SPTBN4: variants seen among roughly 807,000 people sequenced by gnomAD.
SPTBN4 encodes spectrin beta chain, non-erythrocytic 4.
In SPTBN4, 96 loss-of-function variants were observed where a neutral mutation model predicts 277.8. The ratio of observed to expected loss-of-function variants is 0.35; its 90% CI spans 0.29 to 0.41. SPTBN4 has a LOEUF of 0.41. Ranked by LOEUF, SPTBN4 falls within the 10% of genes least tolerant of loss-of-function variation. The pLI is 1.00. For synonymous variants in SPTBN4, 1,481 were observed against 1,580.3 expected, an observed-to-expected ratio of 0.94 and a Z score of 1.49; for missense variants, 3,006 against 3,595.7, an observed-to-expected ratio of 0.84 and a Z score of 4.19.
Position 40,513,225 on chromosome 19 carries a change from G to A in SPTBN4, c.2436G>A (p.Ala812=). Residue 812 remains alanine, a synonymous_variant, in exon 14 of 36, where the codon GCG becomes GCA. Transcript: ENST00000598249. ...GHDEASSRRL[A]RQHRALTGEV... ...ACGAAGCTTCCAGCCGCCGCCTGGC[G>A]CGCCAGCACCGCGCGCTCACCGGGG... 6.7e-7 allele frequency: 1 copy of A among 1,502,610 alleles called. No individual in the cohort carries two copies. The highest frequency in any genetic ancestry group is 8.8e-7 in the Non-Finnish European group (1 of 1,133,596). 93.1% of individuals were successfully genotyped at this position (1,502,610 alleles called of 1,614,324 possible).
Position 40,536,459 on chromosome 19 carries a change from C to G in SPTBN4, c.4359+2116C>G, listed in dbSNP as rs1242982509. Among the ~76,000 whole-genome samples, 4 of 152,080 alleles carry G rather than the reference C, an allele frequency of 2.6e-5. No homozygotes were observed. In the East Asian group the frequency reaches 7.7e-4, roughly 29 times the overall value. ...GAACTCCTGACCACAGGTGATTCACCCGCCTTGGCCTCCCAAAGTACTAGG... is the reference window on the plus strand; with the variant it reads ...GAACTCCTGACCACAGGTGATTCACGCGCCTTGGCCTCCCAAAGTACTAGG... On this transcript the variant is annotated intron_variant, in intron 20 of 35. Coordinates refer to ENST00000598249, the MANE Select transcript of SPTBN4 (RefSeq NM_020971.3).
chr19:40,549,439 C>CGGGGCGGGGG, intron 21 of SPTBN4, 26 bp downstream of exon 21: 1 of 9,352 alleles, frequency 1.1e-4, no homozygotes, highest in Non-Finnish European at 1.8e-4. Flanking sequence ...GGGCCTGGGG[C>CGGGGCGGGGG]GGGGCGGGGC....
chr19:40,504,895 C>G (rs2080307856), intron 12 of SPTBN4, among the ~76,000 whole-genome samples: 1 of 151,650 alleles, frequency 6.6e-6, no homozygotes, highest in Admixed American at 6.6e-5. Flanking sequence ...GATATAGAAA[C>G]AGAGTAAACC....
At chr19:40,538,777 C>T (rs977359627) in intron 20 of SPTBN4, among the ~76,000 whole-genome samples, 5 of 152,172 alleles carry the variant, frequency 3.3e-5, no homozygotes, top group Admixed American at 6.6e-5. Flanking sequence ...TTTATAGAGA[C>T]GGGGGCCTCA....
In SPTBN4 at chr19:40,534,346, AT is replaced by A. The variant is rs752604058; in HGVS notation, c.4359+4del. The stretch of plus-strand genomic sequence containing the variant: ...ACAGTCAGCTCAAGAAGCTGCAGGT[AT>A]GGTCTTCCTGGCCCAGATGAGGGCT... On this transcript the variant is annotated splice_donor_region_variant and intron_variant, in intron 20 of 35. Transcript: ENST00000598249. 1 of 1,612,356 alleles carries A rather than the reference AT, an allele frequency of 6.2e-7. No individual in the cohort carries two copies. Among genetic ancestry groups the A allele is most frequent in the Non-Finnish European group, 8.5e-7 (1 of 1,179,438 alleles).
chr19:40,557,648 C>G (rs966287390), intron 26 of SPTBN4, among the ~76,000 whole-genome samples: 1 of 152,136 alleles, frequency 6.6e-6, no homozygotes, highest in African/African-American at 2.4e-5. Flanking sequence ...TATTAAACAG[C>G]TTCTGGCTGG....
At chr19:40,476,300 G>A (rs1185175498) in intron 2 of SPTBN4, among the ~76,000 whole-genome samples, 3 of 149,796 alleles carry the variant, frequency 2.0e-5, no homozygotes, top group Non-Finnish European at 4.4e-5. Flanking sequence ...AGCCTAGATC[G>A]TGCCATTGTA....
intron 12 of SPTBN4, among the ~76,000 whole-genome samples, chr19:40,504,857 AAAAG>A (rs1465565444): frequency 6.6e-6 from 1 of 152,010 alleles, no homozygotes; most frequent in Non-Finnish European, 1.5e-5. Context: ...GTTTCAAAAA[AAAAG>A]AGAGAAATGA....
intron 2 of SPTBN4, among the ~76,000 whole-genome samples, chr19:40,479,536 G>C (rs1790562639): frequency 6.6e-6 from 1 of 151,180 alleles, no homozygotes; most frequent in Non-Finnish European, 1.5e-5. Context: ...TGAACTCCTG[G>C]GCCCAAGCAA....
At chr19:40,534,040 C>G (rs371043204) in intron 19 of SPTBN4, 40 bp from the exon 20 acceptor site, 2 of 1,562,574 alleles carry the variant, frequency 1.3e-6, no homozygotes, top group African/African-American at 2.7e-5. Context: ...CACCATCTAT[C>G]TATCTTCTCC....
At chr19:40,496,103 T>G (rs1384672372) in intron 6 of SPTBN4, among the ~76,000 whole-genome samples, 1 of 152,186 alleles carries the variant, frequency 6.6e-6, no homozygotes, top group Non-Finnish European at 1.5e-5. Context: ...CAATAGTCAA[T>G]GTATCCATTC....
intron 1 of SPTBN4, 71 bp from the exon 2 acceptor site, chr19:40,472,536 A>C: frequency 7.2e-7 from 1 of 1,386,472 alleles, no homozygotes; most frequent in Non-Finnish European, 9.7e-7. Flanking sequence ...GAGAGGGGAC[A>C]GGACTCAAAG....
chr19:40,489,492 T>A (rs550441800), intron 3 of SPTBN4, among the ~76,000 whole-genome samples: 4 of 152,050 alleles, frequency 2.6e-5, no homozygotes, highest in Non-Finnish European at 5.9e-5. Flanking sequence ...GTTCAAAGGA[T>A]TCTCCTGCCT....
intron 20 of SPTBN4, among the ~76,000 whole-genome samples, chr19:40,546,893 A>G (rs2145920135): frequency 6.6e-6 from 1 of 152,344 alleles, no homozygotes; most frequent in South Asian, 2.1e-4. Flanking sequence ...GGTGGTAAGC[A>G]CTGTGAAGAC....
At chr19:40,495,971 C>T (rs1260932583) in intron 6 of SPTBN4, among the ~76,000 whole-genome samples, 2 of 152,072 alleles carry the variant, frequency 1.3e-5, no homozygotes, top group East Asian at 3.9e-4. Flanking sequence ...ATGGGGAGAC[C>T]CAGACCCACC....
Position 40,563,292 on chromosome 19 carries a change from G to T in SPTBN4, c.5916-2131G>T, listed in dbSNP as rs374851049. On this transcript the variant is annotated intron_variant, in intron 27 of 35. Coordinates refer to ENST00000598249, the MANE Select transcript of SPTBN4 (RefSeq NM_020971.3). ...CCAGCTACCCTGGAGGCTAAGCCAG[G>T]ATGATCACTTAAGCCCAGGTGGTAG... 3.9e-4 allele frequency among the ~76,000 whole-genome samples: 60 copies of T among 152,162 alleles called. No homozygotes were observed. In the East Asian group the frequency reaches 9.1e-3, roughly 23 times the overall value.
intron 3 of SPTBN4, 130 bp from the exon 4 acceptor site, chr19:40,489,945 G>A: frequency 1.1e-6 from 1 of 903,066 alleles, no homozygotes; most frequent in South Asian, 1.8e-5. Context: ...AACGAGAGGA[G>A]GACAGCCTGA....
At chr19:40,499,859 G>A (rs2145843414) in intron 7 of SPTBN4, among the ~76,000 whole-genome samples, 1 of 152,070 alleles carries the variant, frequency 6.6e-6, no homozygotes, top group East Asian at 1.9e-4. Flanking sequence ...TCAGTGCCTG[G>A]TACGTAGTAG....
rs201622480 is a variant in SPTBN4 at position 40,569,759 on chromosome 19, G to C, written c.7026+33G>C. The C allele has an allele frequency of 2.5e-5, 40 of 1,585,110 alleles. No homozygotes were observed. In the Admixed American group the frequency reaches 7.0e-4, roughly 28 times the overall value. On this transcript the variant is annotated intron_variant, in intron 32 of 35. Transcript: ENST00000598249. ...GAGCCTCGGATGGGTGGGGATAGGA[G>C]GACCCCTTTTTCAGAGCAGGAGGCA... is the stretch of plus-strand genomic sequence containing the variant.
Sources: gnomAD v4.1 joint callset for allele counts (sites outside exome capture counted in the v4.1 genomes callset) on GRCh38, gnomAD v4.1.1 for gene constraint, MANE v1.5 for transcripts, NCBI Gene and HGNC (gene_info 2026-07-23, HGNC 2026-07-21) for gene names.